Variants in CHD9 observed in about 807,000 individuals in gnomAD.
CHD9 encodes the protein ATP-dependent chromatin remodeler CHD9.
A neutral mutation model predicts 316.1 loss-of-function variants in CHD9; 77 were observed. That is an observed-to-expected ratio of 0.24 (90% CI 0.20 to 0.29). The LOEUF is 0.29. Ranked by LOEUF, CHD9 falls within the 10% of genes least tolerant of loss-of-function variation. The probability of loss-of-function intolerance (pLI) is 1.00; values close to 1 mark genes in which losing one functional copy is unlikely to be tolerated. For missense variants in CHD9, 2,763 were observed against 3,438.1 expected (o/e 0.80, Z 4.91); for synonymous variants, 1,129 against 1,158.3 (o/e 0.97, Z 0.51).
intron 1 of CHD9, among the ~76,000 whole-genome samples, chr16:53,061,812 G>A (rs779515371): frequency 5.9e-5 from 9 of 152,162 alleles, no homozygotes; most frequent in Non-Finnish European, 1.2e-4. Flanking sequence ...AGGTAACCTC[G>A]GGTGAGCTGA....
In CHD9 at chr16:53,157,559, T is replaced by G; in HGVS notation, c.1452+18T>G. The stretch of plus-strand genomic sequence containing the variant: ...AGCGACAGGTATGTAGCTCTTTGCT[T>G]TTATTTTGGAGATTTGGGGGTAGGG... On this transcript the variant is annotated intron_variant, in intron 2 of 38. Transcript: ENST00000447540. 1 of 1,581,078 alleles carries G rather than the reference T, an allele frequency of 6.3e-7. No individual in the cohort carries two copies. The highest frequency in any genetic ancestry group is 1.1e-5 in the South Asian group (1 of 87,326).
chr16:53,272,354 A>T (rs1367049205), intron 22 of CHD9, among the ~76,000 whole-genome samples: 2 of 149,530 alleles, frequency 1.3e-5, no homozygotes, highest in African/African-American at 4.9e-5. Context: ...AAGGCAAAAG[A>T]AAAAAAAAAC....
intron 2 of CHD9, among the ~76,000 whole-genome samples, chr16:53,172,416 G>T (rs954554649): frequency 1.3e-5 from 2 of 152,010 alleles, no homozygotes; most frequent in South Asian, 4.1e-4. Flanking sequence ...ACTATAATTT[G>T]TTCGTTCACC....
intron 1 of CHD9, among the ~76,000 whole-genome samples, chr16:53,091,305 T>C (rs187302024): frequency 7.1e-4 from 108 of 152,340 alleles, no homozygotes; most frequent in African/African-American, 1.9e-3. Context: ...CCGGGTGACC[T>C]TGGGCAAGCT....
chr16:53,249,874 C>A lies in CHD9; in HGVS notation c.3669C>A (p.Tyr1223Ter). The change falls in exon 17 of 39, where the codon TAC becomes TAA. Residue 1223 changes from tyrosine to a stop codon, truncating the protein, a stop_gained. Coordinates refer to ENST00000447540, the MANE Select transcript of CHD9 (RefSeq NM_001308319.2). LOFTEE classifies it high-confidence loss of function. ...ILEDYLIHKR[Y>*]LYERIDGRVR... The stretch of plus-strand genomic sequence containing the variant: ...TTTATTCCATTTCATTCCATAGATA[C>A]TTATATGAGCGAATTGATGGCAGAG... 6.2e-7 allele frequency: 1 copy of A among 1,608,910 alleles called. No individual in the cohort carries two copies. The highest frequency in any genetic ancestry group is 8.5e-7 in the Non-Finnish European group (1 of 1,175,366).
At chr16:53,173,070 C>G (rs2042881049) in intron 2 of CHD9, among the ~76,000 whole-genome samples, 1 of 152,052 alleles carries the variant, frequency 6.6e-6, no homozygotes, top group Non-Finnish European at 1.5e-5. Context: ...AAATCTATGC[C>G]TGCCCAAGGT....
intron 1 of CHD9, among the ~76,000 whole-genome samples, chr16:53,104,539 A>G (rs1567330826): frequency 6.6e-6 from 1 of 152,176 alleles, no homozygotes; most frequent in Non-Finnish European, 1.5e-5. Context: ...GGCTAGGTGC[A>G]GTGGCTCGTG....
At chr16:53,159,896 C>A (rs1210086308) in intron 2 of CHD9, among the ~76,000 whole-genome samples, 2 of 152,326 alleles carry the variant, frequency 1.3e-5, no homozygotes, top group East Asian at 3.9e-4. Flanking sequence ...GCATTACAGG[C>A]GTGAGCCACC....
chr16:53,109,914 G>C (rs2037723067), intron 1 of CHD9, among the ~76,000 whole-genome samples: 1 of 148,408 alleles, frequency 6.7e-6, no homozygotes, highest in African/African-American at 2.5e-5. Context: ...TCGATCTCCT[G>C]ATCTCATGAT....
chr16:53,118,862 G>A (rs1166954478), intron 1 of CHD9, among the ~76,000 whole-genome samples: 3 of 142,904 alleles, frequency 2.1e-5, no homozygotes, highest in Non-Finnish European at 4.5e-5. Flanking sequence ...GCACAATCTC[G>A]GCTCACTGCA....
chr16:53,104,350 A>G (rs375181809), intron 1 of CHD9, among the ~76,000 whole-genome samples: 1 of 152,176 alleles, frequency 6.6e-6, no homozygotes, highest in African/African-American at 2.4e-5. Context: ...TCAGGCCACT[A>G]TTGATATACA....
intron 1 of CHD9, among the ~76,000 whole-genome samples, chr16:53,104,538 C>T (rs1567330821): frequency 1.3e-5 from 2 of 152,134 alleles, no homozygotes; most frequent in South Asian, 2.1e-4. Context: ...GGGCTAGGTG[C>T]AGTGGCTCGT....
At chr16:53,212,326 A>G (rs911332892) in intron 3 of CHD9, among the ~76,000 whole-genome samples, 2 of 151,794 alleles carry the variant, frequency 1.3e-5, no homozygotes, top group Non-Finnish European at 2.9e-5. Context: ...AATGGCGTGA[A>G]CCTGGGAGGC....
intron 3 of CHD9, among the ~76,000 whole-genome samples, chr16:53,221,985 G>T (rs769146060): frequency 6.6e-6 from 1 of 150,700 alleles, no homozygotes; most frequent in Non-Finnish European, 1.5e-5. Context: ...CCTATGAAAA[G>T]TAATCTTAAG....
chr16:53,203,366 C>A (rs977009299), intron 2 of CHD9, among the ~76,000 whole-genome samples: 50 of 152,142 alleles, frequency 3.3e-4, no homozygotes, highest in Non-Finnish European at 1.5e-4. Flanking sequence ...ACTTACCTTA[C>A]CATTCTTGCA....
At chr16:53,058,565 A>G (rs770669238) in intron 1 of CHD9, among the ~76,000 whole-genome samples, 1 of 152,226 alleles carries the variant, frequency 6.6e-6, no homozygotes, top group African/African-American at 2.4e-5. Context: ...CAGGGGACTC[A>G]AGGAGAGCCA....
At chr16:53,124,310 CTAAT>C (rs973616214) in intron 1 of CHD9, among the ~76,000 whole-genome samples, 2 of 151,906 alleles carry the variant, frequency 1.3e-5, no homozygotes, top group African/African-American at 4.8e-5. Context: ...AAAAAGAAGT[CTAAT>C]AGACTCACAG....
rs1358956546 is a variant in CHD9, at chr16:53,327,178, AT to A, written c.*2284del. On this transcript the variant is annotated 3_prime_UTR_variant, in exon 39 of 39. Coordinates refer to ENST00000447540, the MANE Select transcript of CHD9 (RefSeq NM_001308319.2). ...AGTTAAGGGTTATAAGGAAAAAAAA[AT>A]CAGTAGAATTACATAATACTAAAGT... is the stretch of plus-strand genomic sequence containing the variant. 1 of 152,572 alleles carries A rather than the reference AT, an allele frequency of 6.6e-6. No homozygotes were observed. Among genetic ancestry groups the A allele is most frequent in the Non-Finnish European group, 1.5e-5 (1 of 67,966 alleles). 9.5% of individuals were successfully genotyped at this position (152,572 alleles called of 1,614,324 possible).
intron 2 of CHD9, among the ~76,000 whole-genome samples, chr16:53,170,002 C>G (rs2042568732): frequency 6.7e-6 from 1 of 150,118 alleles, no homozygotes; most frequent in Non-Finnish European, 1.5e-5. Flanking sequence ...AGCCAGTTAC[C>G]TGTATTTGTT....
Sources: allele counts gnomAD v4.1 joint callset (sites outside exome capture counted in the v4.1 genomes callset), GRCh38; gene constraint gnomAD v4.1.1; transcripts MANE v1.5; gene names NCBI Gene and HGNC (gene_info 2026-07-23, HGNC 2026-07-21).